Variants in NLRP1 observed in about 807,000 individuals in gnomAD.
NLRP1 encodes the protein NLR family pyrin domain containing 1.
A neutral mutation model predicts 136.7 loss-of-function variants in NLRP1; 94 were observed. The ratio of observed to expected loss-of-function variants is 0.69; its 90% CI spans 0.58 to 0.82. The LOEUF (loss-of-function observed/expected upper bound fraction) is 0.82, where lower values mean the gene tolerates loss of function less well. Among genes scored for constraint, NLRP1 ranks in the 40% least tolerant of loss-of-function variants. NLRP1 has a pLI of 0.00. For synonymous variants in NLRP1, 690 were observed against 725.1 expected (o/e 0.95, Z 0.78); for missense variants, 1,575 against 1,802.7 (o/e 0.87, Z 2.29).
rs1914415142 is a variant in NLRP1, at chr17:5,558,872, A to G, written c.1824T>C (p.Gly608=). 1 of 1,613,710 alleles carries G rather than the reference A, an allele frequency of 6.2e-7. No homozygotes were observed. Among genetic ancestry groups the G allele is most frequent in the African/African-American group, 1.3e-5 (1 of 74,890 alleles). ...GAGGGATGGGGTGCTCTTGAAGAATACCCATCTTCAAGAAGGTGGAGATGA... is the reference window on the plus strand; with the variant it reads ...GAGGGATGGGGTGCTCTTGAAGAATGCCCATCTTCAAGAAGGTGGAGATGA... ...GAIISTFLKM[G]ILQEHPIPLS... is the part of the protein sequence containing the mutation. The change falls in exon 4 of 17, where the codon GGT becomes GGC. Residue 608 remains glycine (G), a synonymous_variant. Transcript: ENST00000572272.
rs1209396716 is a variant in NLRP1, at chr17:5,517,907, A to T, written c.3916-20T>A. 1 of 1,613,114 alleles carries T rather than the reference A, an allele frequency of 6.2e-7. No homozygotes were observed. Among genetic ancestry groups the T allele is most frequent in the Non-Finnish European group, 8.5e-7 (1 of 1,179,740 alleles). On this transcript the variant is annotated intron_variant, in intron 14 of 16. Coordinates refer to ENST00000572272, the MANE Select transcript of NLRP1 (RefSeq NM_033004.4). ...CAGTTCCTGAAGAGGCAAAGAGTTG[A>T]GTTGCCACCCTGTTCATCTTGCATG...
At chr17:5,550,942 C>A (rs919627974) in intron 5 of NLRP1, among the ~76,000 whole-genome samples, 1 of 152,138 alleles carries the variant, frequency 6.6e-6, no homozygotes, top group Non-Finnish European at 1.5e-5. Flanking sequence ...TACTCCCTGT[C>A]CCCACATCCC....
chr17:5,552,410 C>T (rs186816987), intron 5 of NLRP1, among the ~76,000 whole-genome samples: 98 of 152,130 alleles, frequency 6.4e-4, no homozygotes, highest in African/African-American at 2.3e-3. Flanking sequence ...TTTTATGGGG[C>T]GATCTTATCT....
intron 9 of NLRP1, among the ~76,000 whole-genome samples, 154 bp downstream of exon 9, chr17:5,533,743 A>G (rs540745994): frequency 6.6e-6 from 1 of 151,910 alleles, no homozygotes; most frequent in African/African-American, 2.4e-5. Context: ...GCCAGTTCCT[A>G]GGAGTGGGAG....
intron 3 of NLRP1, among the ~76,000 whole-genome samples, chr17:5,574,660 CTTT>C (rs1169415443): frequency 4.6e-4 from 62 of 134,394 alleles, no homozygotes; most frequent in African/African-American, 1.4e-3. Flanking sequence ...ATTCAACATT[CTTT>C]TTTTTTTTTT....
Position 5,559,235 on chromosome 17 carries a change from C to A in NLRP1, c.1461G>T (p.Lys487Asn). 1 of 1,614,200 alleles carries A rather than the reference C, an allele frequency of 6.2e-7. No individual in the cohort carries two copies. Among genetic ancestry groups the A allele is most frequent in the South Asian group, 1.1e-5 (1 of 91,082 alleles). Residue 487 changes from lysine to asparagine, a missense_variant, in exon 4 of 17, where the codon AAG (lysine) becomes AAT (asparagine). Coordinates refer to ENST00000572272, the MANE Select transcript of NLRP1 (RefSeq NM_033004.4). ...CTGTGAAATATCTGTAGAAATATTC[C>A]TTCCTGCTGGACTCAGAGAACCCCA... Reference protein sequence around the residue: ...EVLGFSESSRKEYFYRYFTDE... With the variant: ...EVLGFSESSRNEYFYRYFTDE...
At chr17:5,573,579 C>T (rs535851298) in intron 3 of NLRP1, among the ~76,000 whole-genome samples, 6 of 152,358 alleles carry the variant, frequency 3.9e-5, no homozygotes, top group African/African-American at 1.4e-4. Flanking sequence ...TAGGGGCAGA[C>T]TGACACCTCA....
At chr17:5,513,124 A>G (rs1319689014), downstream of NLRP1, among the ~76,000 whole-genome samples, 1 of 152,220 alleles carries the variant, frequency 6.6e-6, no homozygotes, top group Non-Finnish European at 1.5e-5. Context: ...TGTGTCCAGC[A>G]TTAACCTTTT....
intron 15 of NLRP1, among the ~76,000 whole-genome samples, chr17:5,507,910 C>T (rs898853766): frequency 4.0e-5 from 6 of 151,814 alleles, no homozygotes; most frequent in South Asian, 2.1e-4. Flanking sequence ...CTTAGGTGGG[C>T]GGATCACAAG....
Position 5,582,689 on chromosome 17 carries a change from T to G in NLRP1, c.429A>C (p.Thr143=), listed in dbSNP as rs758997805. 8.7e-6 allele frequency: 14 copies of G among 1,613,964 alleles called. No homozygotes were observed. Among genetic ancestry groups the G allele is most frequent in the Admixed American group, 1.7e-5 (1 of 59,998 alleles). ...CCTCACCTCTCCAGCGGCGTCCAGA[T>G]GTGTCAGGCAGCTGTCTCAAAACCC... ...ERRVLRQLPD[T]SGRRWREISA... The change falls in exon 2 of 17, where the codon ACA becomes ACC. Residue 143 remains threonine, a synonymous_variant. Transcript: ENST00000572272.
At chr17:5,544,457 T>TA (rs1282528078) in intron 5 of NLRP1, among the ~76,000 whole-genome samples, 9 of 152,314 alleles carry the variant, frequency 5.9e-5, no homozygotes, top group African/African-American at 2.2e-4. Context: ...CTTGACATTT[T>TA]ACCCACTCTG....
chr17:5,582,041 T>C lies in NLRP1; in HGVS notation c.470A>G (p.Tyr157Cys). 1.2e-6 allele frequency: 2 copies of C among 1,613,616 alleles called. No individual in the cohort carries two copies. The highest frequency in any genetic ancestry group is 1.7e-6 in the Non-Finnish European group (2 of 1,179,718). ...GTCTGGGGAGCTTGGAAGAGCTTGG[T>C]AGAGGAGTGAGGCAGAGATTTCTGG... ...RWREISASLL[Y>C]QALPSSPDHE... Residue 157 changes from tyrosine (Y) to cysteine (C), a missense_variant, in exon 3 of 17, where the codon TAC (tyrosine) becomes TGC (cysteine). Tyr to Cys is a radical substitution (Grantham distance 194). Coordinates refer to ENST00000572272, the MANE Select transcript of NLRP1 (RefSeq NM_033004.4).
chr17:5,534,603 C>A (rs1176635409), intron 8 of NLRP1, among the ~76,000 whole-genome samples: 1 of 152,136 alleles, frequency 6.6e-6, no homozygotes, highest in Non-Finnish European at 1.5e-5. Flanking sequence ...CCACCTGAGT[C>A]CCAGGCCCTG....
At position 5,559,709 on chromosome 17, in the gene NLRP1, T is replaced by C. The variant is rs1490773833; in HGVS notation, c.987A>G (p.Ile329Met). ...GPGLDTQEPR[I>M]VILQGAAGIG... Reference sequence around the variant, plus strand: ...TTCCAGCAGCCCCCTGCAGTATGACTATGCGAGGTTCTTGGGTATCCAGGC... The same window carrying C: ...TTCCAGCAGCCCCCTGCAGTATGACCATGCGAGGTTCTTGGGTATCCAGGC... Residue 329 changes from isoleucine (I) to methionine (M), a missense_variant, in exon 4 of 17, where the codon ATA becomes ATG. Ile to Met is a conservative substitution (Grantham distance 10). Coordinates refer to ENST00000572272, the MANE Select transcript of NLRP1 (RefSeq NM_033004.4). The C allele has an allele frequency of 6.2e-7, 1 of 1,614,262 alleles. No individual in the cohort carries two copies. The highest frequency in any genetic ancestry group is 1.7e-5 in the Admixed American group (1 of 60,030).
At chr17:5,546,627 T>A (rs1912695795) in intron 5 of NLRP1, among the ~76,000 whole-genome samples, 1 of 151,870 alleles carries the variant, frequency 6.6e-6, no homozygotes, top group Non-Finnish European at 1.5e-5. Context: ...TCAAGATAAA[T>A]CCAAAAGTGA....
intron 11 of NLRP1, among the ~76,000 whole-genome samples, chr17:5,531,248 C>T (rs767261227): frequency 6.6e-6 from 1 of 151,514 alleles, no homozygotes; most frequent in Non-Finnish European, 1.5e-5. Context: ...TATGGTCTCA[C>T]TCTGTTGCCC....
At chr17:5,565,220 T>C (rs541813871) in intron 3 of NLRP1, among the ~76,000 whole-genome samples, 2 of 152,222 alleles carry the variant, frequency 1.3e-5, no homozygotes, top group Admixed American at 1.3e-4. Context: ...TTCATTTGCA[T>C]TTCTCTGACT....
In NLRP1 at chr17:5,584,243, A is replaced by C; in HGVS notation, c.-286T>G. On this transcript the variant is annotated 5_prime_UTR_variant, in exon 1 of 17. Transcript: ENST00000572272. Reference sequence around the variant, plus strand: ...GGTCCAGGGCCAGGCAGGGAGGGTGAGGGTGAGGGGAGATGTGGTGACGGG... The same window carrying C: ...GGTCCAGGGCCAGGCAGGGAGGGTGCGGGTGAGGGGAGATGTGGTGACGGG... The C allele has an allele frequency of 3.9e-6, 2 of 514,030 alleles. No individual in the cohort carries two copies. The highest frequency in any genetic ancestry group is 5.3e-4 in the Middle Eastern group (1 of 1,870). The allele number at this position is 514,030 out of a possible 1,614,324, so 31.8% of individuals were successfully genotyped here.
intron 13 of NLRP1, 98 bp from the exon 14 acceptor site, chr17:5,521,110 A>G: frequency 7.8e-7 from 1 of 1,276,692 alleles, no homozygotes; most frequent in Non-Finnish European, 1.1e-6. Context: ...GTGTGGACAG[A>G]GTGGGGCTAT....
Sources: gnomAD v4.1 joint callset for allele counts (sites outside exome capture counted in the v4.1 genomes callset) on GRCh38, gnomAD v4.1.1 for gene constraint, MANE v1.5 for transcripts, NCBI Gene and HGNC (gene_info 2026-07-23, HGNC 2026-07-21) for gene names.